Variants in AK9 observed in about 807,000 individuals in gnomAD.
AK9 encodes adenylate kinase domain containing 1.
In AK9, 191 loss-of-function variants were observed where a neutral mutation model predicts 239.6. That is an observed-to-expected ratio of 0.80 (90% CI 0.71 to 0.90). The LOEUF (loss-of-function observed/expected upper bound fraction) is 0.90, where lower values mean the gene tolerates loss of function less well. Among genes scored for constraint, AK9 ranks in the 40% least tolerant of loss-of-function variants. The pLI is 0.00. For missense variants in AK9, 1,995 were observed against 2,214.7 expected (o/e 0.90, Z 1.99); for synonymous variants, 689 against 721.0 (o/e 0.96, Z 0.71).
At chr6:109,640,054 T>C (rs1456651904) in intron 10 of AK9, among the ~76,000 whole-genome samples, 1 of 152,218 alleles carries the variant, frequency 6.6e-6, no homozygotes, top group Non-Finnish European at 1.5e-5. Context: ...ACTGTAGCCT[T>C]GTAGTATAGT....
At chr6:109,538,211 A>T (rs552070735) in intron 27 of AK9, among the ~76,000 whole-genome samples, 2 of 152,260 alleles carry the variant, frequency 1.3e-5, no homozygotes, top group Middle Eastern at 6.8e-3. Context: ...GAGGTGTTAA[A>T]GTCTCCCATT....
chr6:109,544,909 C>A (rs1783338727), intron 26 of AK9, among the ~76,000 whole-genome samples: 1 of 152,174 alleles, frequency 6.6e-6, no homozygotes, highest in Non-Finnish European at 1.5e-5. Context: ...AAATATCATA[C>A]TTCCAAATAA....
intron 24 of AK9, among the ~76,000 whole-genome samples, chr6:109,559,978 G>A (rs530050031): frequency 3.9e-5 from 6 of 152,136 alleles, no homozygotes; most frequent in East Asian, 1.9e-4. Flanking sequence ...CTTCAAAGCC[G>A]GCTTAAAAGC....
chr6:109,642,559 A>T (rs1797586373), intron 9 of AK9, among the ~76,000 whole-genome samples: 1 of 152,174 alleles, frequency 6.6e-6, no homozygotes, highest in African/African-American at 2.4e-5. Context: ...CAGGTTTGGC[A>T]AGTTCCAGCC....
At chr6:109,669,468 G>C (rs552663538) in intron 5 of AK9, among the ~76,000 whole-genome samples, 1 of 152,108 alleles carries the variant, frequency 6.6e-6, no homozygotes, top group East Asian at 1.9e-4. Flanking sequence ...TCTTGTGCCA[G>C]TTTTCAAAAG....
At chr6:109,495,583 C>T (rs1303239071) in intron 38 of AK9, 143 bp from the exon 39 acceptor site, 11 of 515,132 alleles carry the variant, frequency 2.1e-5, no homozygotes, top group East Asian at 1.9e-4. Flanking sequence ...TGCTGGGGCT[C>T]CTGGAAGTGC....
intron 6 of AK9, among the ~76,000 whole-genome samples, chr6:109,659,872 T>C (rs1468703948): frequency 1.3e-5 from 2 of 152,214 alleles, no homozygotes; most frequent in Non-Finnish European, 2.9e-5. Flanking sequence ...AGGTGTTTTA[T>C]ACAATGCCAG....
intron 12 of AK9, among the ~76,000 whole-genome samples, chr6:109,623,397 C>G (rs1334604117): frequency 1.3e-5 from 2 of 152,118 alleles, no homozygotes; most frequent in African/African-American, 4.8e-5. Context: ...TTAATTCTTT[C>G]TGAGGGTAGT....
At chr6:109,561,415 G>A (rs1045303585) in intron 24 of AK9, among the ~76,000 whole-genome samples, 3 of 152,190 alleles carry the variant, frequency 2.0e-5, no homozygotes, top group Non-Finnish European at 2.9e-5. Context: ...TCCTGGGCTC[G>A]GGCGATCCTC....
At chr6:109,623,052 G>A (rs896489586) in intron 12 of AK9, among the ~76,000 whole-genome samples, 8 of 152,036 alleles carry the variant, frequency 5.3e-5, no homozygotes, top group African/African-American at 1.4e-4. Context: ...CAGGGAGGTG[G>A]TATCCTTTTG....
Position 109,546,137 on chromosome 6 carries a change from G to T in AK9, c.2965-10C>A, listed in dbSNP as rs752255344. On this transcript the variant is annotated splice_polypyrimidine_tract_variant and intron_variant, in intron 25 of 40. Transcript: ENST00000424296. Reference sequence around the variant, plus strand: ...TTCTTAATGGAGGAGCCTGTCACAGGGGGTGGGTCAGGGAGGGGTGGGATA... The same window carrying T: ...TTCTTAATGGAGGAGCCTGTCACAGTGGGTGGGTCAGGGAGGGGTGGGATA... The T allele has an allele frequency of 1.3e-6, 2 of 1,579,264 alleles. No homozygotes were observed. The highest frequency in any genetic ancestry group is 4.5e-5 in the East Asian group (2 of 44,460).
intron 13 of AK9, among the ~76,000 whole-genome samples, chr6:109,616,169 G>A (rs934464210): frequency 7.9e-5 from 12 of 152,030 alleles, no homozygotes; most frequent in Admixed American, 4.6e-4. Flanking sequence ...GAAAAAGAGG[G>A]GTTTAAACTA....
intron 27 of AK9, among the ~76,000 whole-genome samples, chr6:109,541,152 T>C (rs1446693362): frequency 6.6e-6 from 1 of 152,146 alleles, no homozygotes; most frequent in Non-Finnish European, 1.5e-5. Flanking sequence ...CTGGGACTAA[T>C]GCAATAACCT....
At chr6:109,508,558 G>A (rs916238195) in intron 33 of AK9, among the ~76,000 whole-genome samples, 1 of 151,950 alleles carries the variant, frequency 6.6e-6, no homozygotes. Flanking sequence ...AGTCAAAGAG[G>A]CTTCTAATAG....
chr6:109,686,887 A>G (rs1447991279), intron 1 of AK9, among the ~76,000 whole-genome samples: 3 of 152,220 alleles, frequency 2.0e-5, no homozygotes, highest in Non-Finnish European at 2.9e-5. Context: ...AATGATAAAA[A>G]TGGAACAATG....
chr6:109,675,159 T>C (rs1771522468), intron 2 of AK9, among the ~76,000 whole-genome samples: 1 of 152,114 alleles, frequency 6.6e-6, no homozygotes, highest in Non-Finnish European at 1.5e-5. Flanking sequence ...CCACAGAGCC[T>C]CAAAACAAAT....
intron 35 of AK9, among the ~76,000 whole-genome samples, chr6:109,500,158 G>C (rs1316286217): frequency 6.6e-6 from 1 of 151,722 alleles, no homozygotes; most frequent in African/African-American, 2.4e-5. Flanking sequence ...AGTGCAAATA[G>C]TTTGTTGACA....
chr6:109,497,429 G>A, intron 38 of AK9, 36 bp downstream of exon 38: 1 of 1,375,980 alleles, frequency 7.3e-7, no homozygotes, highest in South Asian at 1.2e-5. Context: ...ATGCAACACA[G>A]ATTTTCAGTA....
Position 109,629,243 on chromosome 6 carries a change from G to A in AK9, c.1254+3680C>T, listed in dbSNP as rs534213478. On this transcript the variant is annotated intron_variant, in intron 12 of 40. Coordinates refer to ENST00000424296, the MANE Select transcript of AK9 (RefSeq NM_001145128.3). Reference sequence around the variant, plus strand: ...ACAGGCATGAGCCACCATGCCAGCCGATTTTTCATTATTTTAAATGGGAAA... The same window carrying A: ...ACAGGCATGAGCCACCATGCCAGCCAATTTTTCATTATTTTAAATGGGAAA... Among the ~76,000 whole-genome samples the A allele has an allele frequency of 1.8e-4, 28 of 151,982 alleles. No homozygotes were observed. The East Asian group carries it at 4.4e-3, about 24-fold the overall frequency.
Sources: allele counts gnomAD v4.1 joint callset (sites outside exome capture counted in the v4.1 genomes callset), GRCh38; gene constraint gnomAD v4.1.1; transcripts MANE v1.5; gene names NCBI Gene and HGNC (gene_info 2026-07-23, HGNC 2026-07-21).